The following RPS6KA2 variants were observed in gnomAD, a reference collection of about 807,000 sequenced individuals.
RPS6KA2 encodes ribosomal protein S6 kinase A2.
Under a neutral mutation model 91.8 loss-of-function variants are expected in RPS6KA2, and 42 were observed. That is an observed-to-expected ratio of 0.46 (90% CI 0.36 to 0.59). The LOEUF (loss-of-function observed/expected upper bound fraction) is 0.59, where lower values mean the gene tolerates loss of function less well. Ranked by LOEUF, RPS6KA2 falls within the 20% of genes least tolerant of loss-of-function variation. RPS6KA2 has a pLI of 0.00. For missense variants in RPS6KA2, 798 were observed against 978.5 expected, an observed-to-expected ratio of 0.82 and a Z score of 2.46; for synonymous variants, 414 against 393.6, an observed-to-expected ratio of 1.05 and a Z score of -0.61.
At chr6:166,479,440 G>C (rs559377826) in intron 10 of RPS6KA2, among the ~76,000 whole-genome samples, 7 of 152,328 alleles carry the variant, frequency 4.6e-5, no homozygotes, top group Admixed American at 4.6e-4. Context: ...GGGCGGCCCC[G>C]GCCACAGTGA....
At chr6:166,634,170 G>C (rs1162828923) in intron 2 of RPS6KA2, among the ~76,000 whole-genome samples, 1 of 152,236 alleles carries the variant, frequency 6.6e-6, no homozygotes, top group Admixed American at 6.5e-5. Flanking sequence ...TGGCAGCAGG[G>C]TGCACAGCAG....
At chr6:166,526,348 T>C (rs1783033077) in intron 3 of RPS6KA2, among the ~76,000 whole-genome samples, 1 of 91,790 alleles carries the variant, frequency 1.1e-5, no homozygotes, top group African/African-American at 4.9e-5. Flanking sequence ...TGGCTTTTTT[T>C]TTTTTTTTTT....
chr6:166,542,495 G>A (rs993119809), intron 1 of RPS6KA2: 2 of 151,728 alleles, frequency 1.3e-5, no homozygotes, highest in Admixed American at 6.6e-5. Flanking sequence ...GAGCTGGGAC[G>A]GTGATCAGGT....
Position 166,770,970 on chromosome 6 carries a change from C to T in RPS6KA2, c.123+87230G>A. 3.3e-6 allele frequency: 5 copies of T among 1,505,774 alleles called. No homozygotes were observed. The highest frequency in any genetic ancestry group is 4.5e-6 in the Non-Finnish European group (5 of 1,107,604). 93.3% of individuals were successfully genotyped at this position (1,505,774 alleles called of 1,614,324 possible). A position where few individuals can be genotyped will look rare whatever the true frequency, so the allele number is the denominator to read the frequency against. The stretch of plus-strand genomic sequence containing the variant: ...TTAAGTCACAGGACGTATTTACAGT[C>T]AGCAACTTCATTAGCAAGGGCATTA... On this transcript the variant is annotated intron_variant, in intron 2 of 21. Coordinates refer to the RPS6KA2 transcript ENST00000503859. This position sits in a 1 kb window ranked among gnomAD's most constrained non-coding sequence, Gnocchi z 5.1.
chr6:166,501,045 G>A, intron 6 of RPS6KA2, 121 bp from the exon 7 acceptor site: 1 of 831,446 alleles, frequency 1.2e-6, no homozygotes. Flanking sequence ...GAGCCCTGAT[G>A]GAGCTGGCCC....
intron 2 of RPS6KA2, among the ~76,000 whole-genome samples, chr6:166,705,926 A>T (rs749570079): frequency 6.6e-6 from 1 of 152,184 alleles, no homozygotes; most frequent in African/African-American, 2.4e-5. Context: ...CAAAGCCCTC[A>T]TGAATGGGAT....
intron 3 of RPS6KA2, among the ~76,000 whole-genome samples, chr6:166,526,904 G>A (rs1410042165): frequency 6.6e-6 from 1 of 152,146 alleles, no homozygotes; most frequent in Non-Finnish European, 1.5e-5. Context: ...CCTCACTACT[G>A]CTCAAGTCAC....
At chr6:166,611,442 A>G (rs1238584327) in intron 1 of RPS6KA2, among the ~76,000 whole-genome samples, 1 of 152,262 alleles carries the variant, frequency 6.6e-6, no homozygotes, top group Admixed American at 6.5e-5. Context: ...TCCTGGCCAG[A>G]GGACCTTTTC....
At chr6:166,482,054 G>C (rs1032071757) in intron 10 of RPS6KA2, among the ~76,000 whole-genome samples, 1 of 151,360 alleles carries the variant, frequency 6.6e-6, no homozygotes, top group Admixed American at 6.6e-5. Context: ...TCTCTGATAA[G>C]ATGGTAGACT....
At chr6:166,757,882 T>C in intron 2 of RPS6KA2, 3 of 278,850 alleles carry the variant, frequency 1.1e-5, no homozygotes, top group South Asian at 9.6e-5. Context: ...GCCCCGAGGC[T>C]GGCCTTCTCC....
At chr6:166,430,738 C>T in intron 15 of RPS6KA2, 127 bp from the exon 16 acceptor site, 1 of 899,024 alleles carries the variant, frequency 1.1e-6, no homozygotes, top group Non-Finnish European at 1.6e-6. Flanking sequence ...TATGGGAGTG[C>T]AAACAAGGCT....
intron 2 of RPS6KA2, among the ~76,000 whole-genome samples, chr6:166,748,782 ATTT>A (rs1271953449): frequency 2.0e-3 from 1 of 502 alleles, no homozygotes; most frequent in Non-Finnish European, 3.1e-3. Context: ...TTGGGCCCCC[ATTT>A]CCTCAGGCCC....
chr6:166,608,578 G>A (rs972729661), intron 1 of RPS6KA2, among the ~76,000 whole-genome samples: 2 of 152,128 alleles, frequency 1.3e-5, no homozygotes, highest in African/African-American at 4.8e-5. Flanking sequence ...AACATAACAA[G>A]TTGATTATTG....
intron 2 of RPS6KA2, among the ~76,000 whole-genome samples, chr6:166,759,873 G>C (rs887615023): frequency 6.6e-6 from 1 of 152,230 alleles, no homozygotes; most frequent in African/African-American, 2.4e-5. Flanking sequence ...CCATTGTACA[G>C]AGAGGTTTGT....
chr6:166,852,724 C>T lies in RPS6KA2; in HGVS notation c.123+5476G>A, dbSNP rs2128632791. 6.6e-6 allele frequency among the ~76,000 whole-genome samples: 1 copy of T among 152,256 alleles called. No individual in the cohort carries two copies. Among genetic ancestry groups the T allele is most frequent in the East Asian group, 1.9e-4 (1 of 5,168 alleles). On this transcript the variant is annotated intron_variant, in intron 2 of 21. Transcript: ENST00000503859. This position sits in a 1 kb window ranked among gnomAD's most constrained non-coding sequence, Gnocchi z 4.1. ...GGCCACGCTGACACGCTCAGGAGCT[C>T]ATCCCTGAGCGCCCACAGGCCCCTG...
chr6:166,504,364 C>A (rs370216877), intron 6 of RPS6KA2, 142 bp downstream of exon 6: 1 of 558,030 alleles, frequency 1.8e-6, no homozygotes, highest in South Asian at 2.4e-5. Context: ...CCGGTCCTGC[C>A]GGCACAAGAG....
intron 2 of RPS6KA2, among the ~76,000 whole-genome samples, chr6:166,647,803 T>C (rs13210181): frequency 0.24 from 29,649 of 122,714 alleles, 3,043 homozygotes; most frequent in Non-Finnish European, 0.27. Flanking sequence ...CTTACACACA[T>C]ACATACACAC....
At chr6:166,792,866 A>G (rs1471974622) in intron 2 of RPS6KA2, among the ~76,000 whole-genome samples, 2 of 151,984 alleles carry the variant, frequency 1.3e-5, no homozygotes, top group Non-Finnish European at 1.5e-5. Flanking sequence ...AAAATAATAA[A>G]AGCTATTTGT....
At chr6:166,824,803 GTCTA>G (rs1181027830) in intron 2 of RPS6KA2, among the ~76,000 whole-genome samples, 2 of 23,684 alleles carry the variant, frequency 8.4e-5, no homozygotes, top group Non-Finnish European at 2.5e-4. Flanking sequence ...GTGTCTGTGT[GTCTA>G]TGTGTGTCTG....
Sources: allele counts gnomAD v4.1 joint callset (sites outside exome capture counted in the v4.1 genomes callset), GRCh38; gene constraint gnomAD v4.1.1; non-coding constraint Gnocchi (gnomAD v3.1); transcripts MANE v1.5; gene names NCBI Gene and HGNC (gene_info 2026-07-23, HGNC 2026-07-21).